Variants in TMEM170B observed in about 807,000 individuals in gnomAD.
TMEM170B encodes the protein transmembrane protein 170B.
TMEM170B carries 6 observed loss-of-function variants against 13.0 expected under a neutral mutation model. That is an observed-to-expected ratio of 0.46 (90% CI 0.25 to 0.91). TMEM170B has a LOEUF of 0.91. Ranked by LOEUF, TMEM170B falls within the 40% of genes least tolerant of loss-of-function variation. The pLI is 0.17. For synonymous variants in TMEM170B, 61 were observed against 64.9 expected (o/e 0.94, Z 0.29); for missense variants, 138 against 165.2 (o/e 0.84, Z 0.90).
At chr6:11,565,578 T>C (rs751515428) in intron 1 of TMEM170B, 88 bp from the exon 2 acceptor site, 28 of 1,431,596 alleles carry the variant, frequency 2.0e-5, no homozygotes, top group Non-Finnish European at 2.6e-5. Context: ...TCATTTAACC[T>C]CCCAAACCAT....
chr6:11,557,914 C>A (rs1759611065), intron 1 of TMEM170B, among the ~76,000 whole-genome samples: 1 of 152,098 alleles, frequency 6.6e-6, no homozygotes, highest in Non-Finnish European at 1.5e-5. Flanking sequence ...ATTATCATTA[C>A]TATTTTTTTT....
intron 2 of TMEM170B, among the ~76,000 whole-genome samples, chr6:11,568,484 A>G (rs2113779885): frequency 6.6e-6 from 1 of 152,296 alleles, no homozygotes; most frequent in African/African-American, 2.4e-5. Context: ...TAAAGAGAGC[A>G]TGAGAAATGG....
In TMEM170B at chr6:11,545,280, CTGTGTGTG is replaced by C. The variant is rs1210551633; in HGVS notation, c.97+6930_97+6937del. The stretch of plus-strand genomic sequence containing the variant: ...TTAAAAGGCTTCTCTCTCTCTCTCT[CTGTGTGTG>C]TGTGTGTGTGTGTGTGTGTGTGTAG... On this transcript the variant is annotated intron_variant, in intron 1 of 2. Coordinates refer to ENST00000379426, the MANE Select transcript of TMEM170B (RefSeq NM_001100829.3). Among the ~76,000 whole-genome samples the C allele has an allele frequency of 5.7e-5, 8 of 139,814 alleles. No individual in the cohort carries two copies. The East Asian group carries it at 8.4e-4, about 15-fold the overall frequency. The allele number at this position is 139,814 out of a possible 152,430, so 91.7% of individuals were successfully genotyped here.
chr6:11,571,290 A>T (rs1759798319), intron 2 of TMEM170B, among the ~76,000 whole-genome samples: 1 of 151,656 alleles, frequency 6.6e-6, no homozygotes, highest in Non-Finnish European at 1.5e-5. Context: ...AGCTCCAGTG[A>T]TCCTCCCAAC....
At chr6:11,571,788 T>A (rs1759804388) in intron 2 of TMEM170B, among the ~76,000 whole-genome samples, 1 of 152,116 alleles carries the variant, frequency 6.6e-6, no homozygotes, top group Non-Finnish European at 1.5e-5. Flanking sequence ...TTCATATAAT[T>A]GTAAAAAGAT....
chr6:11,547,939 A>G (rs1188724785), intron 1 of TMEM170B, among the ~76,000 whole-genome samples: 1 of 152,214 alleles, frequency 6.6e-6, no homozygotes, highest in East Asian at 1.9e-4. Flanking sequence ...AAAGTAAGAT[A>G]GTTCATGAAG....
intron 1 of TMEM170B, among the ~76,000 whole-genome samples, chr6:11,539,999 G>A (rs552602842): frequency 4.1e-4 from 63 of 152,144 alleles, no homozygotes; most frequent in Non-Finnish European, 5.4e-4. Context: ...ATGTGAAATA[G>A]CATTATGTCT....
chr6:11,549,662 CAAA>C (rs111556696), intron 1 of TMEM170B, among the ~76,000 whole-genome samples: 4 of 109,266 alleles, frequency 3.7e-5, no homozygotes, highest in Non-Finnish European at 3.8e-5. Context: ...GACTCCGTCT[CAAA>C]AAAAAAAAAA....
In TMEM170B at chr6:11,575,370, C is replaced by T. The variant is rs1561690382; in HGVS notation, c.269-61C>T. Reference sequence around the variant, plus strand: ...AATGAAAAGAGCTCTTAAGGTGCAGCATGCAGTGTGTTATAAAACGAGTGA... The same window carrying T: ...AATGAAAAGAGCTCTTAAGGTGCAGTATGCAGTGTGTTATAAAACGAGTGA... On this transcript the variant is annotated intron_variant, in intron 2 of 2. Transcript: ENST00000379426. The surrounding 1 kb of genome is among the most constrained non-coding windows in gnomAD (Gnocchi z 4.1). The T allele has an allele frequency of 1.8e-5, 28 of 1,591,118 alleles. No homozygotes were observed. The South Asian group carries it at 3.1e-4, about 18-fold the overall frequency.
rs566750671 is a variant in TMEM170B, at chr6:11,579,668, C to A, written c.*4107C>A. ...TTGGTGGTGGTGGAAATGGCCAGTG[C>A]AAGCAGGATTAAATTAGGAGTTCTG... On this transcript the variant is annotated 3_prime_UTR_variant, in exon 3 of 3. Transcript: ENST00000379426. 1.1e-4 allele frequency: 17 copies of A among 152,264 alleles called. No individual in the cohort carries two copies. Among genetic ancestry groups the A allele is most frequent in the South Asian group, 6.2e-4 (3 of 4,820 alleles). 9.4% of individuals were successfully genotyped at this position (152,264 alleles called of 1,614,324 possible).
chr6:11,538,349 C>T lies in TMEM170B; in HGVS notation c.72C>T (p.His24=), dbSNP rs1358235836. The change falls in exon 1 of 3, where the codon CAC becomes CAT. Residue 24 remains histidine (H), a synonymous_variant. Transcript: ENST00000379426. ...SVQQVLSLWA[H]GTVLRNLTEM... ...AGCAGGTCCTGAGCCTCTGGGCCCA[C>T]GGGACGGTGCTGAGGAACCTCACGG... The T allele has an allele frequency of 2.0e-6, 3 of 1,508,146 alleles. No homozygotes were observed. The highest frequency in any genetic ancestry group is 1.7e-4 in the Middle Eastern group (1 of 5,894). The allele number at this position is 1,508,146 out of a possible 1,614,324, so 93.4% of individuals were successfully genotyped here. A position where few individuals can be genotyped will look rare whatever the true frequency, so the allele number is the denominator to read the frequency against.
At chr6:11,560,062 T>C (rs1466323242) in intron 1 of TMEM170B, among the ~76,000 whole-genome samples, 1 of 152,000 alleles carries the variant, frequency 6.6e-6, no homozygotes, top group African/African-American at 2.4e-5. Flanking sequence ...AGTAGTGATT[T>C]CTGTCTCTAC....
chr6:11,541,220 T>C (rs1759356329), intron 1 of TMEM170B, among the ~76,000 whole-genome samples: 1 of 152,208 alleles, frequency 6.6e-6, no homozygotes, highest in African/African-American at 2.4e-5. Flanking sequence ...AGGGATTGAC[T>C]TCTCTCTAGC....
intron 1 of TMEM170B, among the ~76,000 whole-genome samples, chr6:11,551,805 G>A (rs1759528619): frequency 1.3e-5 from 2 of 152,176 alleles, no homozygotes. Context: ...GAGTGGAGCA[G>A]GAACCTGTTC....
intron 1 of TMEM170B, among the ~76,000 whole-genome samples, chr6:11,539,231 A>G (rs1273285108): frequency 6.6e-6 from 1 of 152,202 alleles, no homozygotes; most frequent in Non-Finnish European, 1.5e-5. Flanking sequence ...TATTCTCTGA[A>G]GTAGAATTTA....
chr6:11,573,225 T>C (rs979672046), intron 2 of TMEM170B, among the ~76,000 whole-genome samples: 2 of 152,158 alleles, frequency 1.3e-5, no homozygotes, highest in African/African-American at 4.8e-5. Flanking sequence ...CATTTTAAAG[T>C]TTAGATGTGT....
intron 1 of TMEM170B, among the ~76,000 whole-genome samples, chr6:11,555,787 ATC>A (rs953139099): frequency 8.5e-5 from 13 of 152,142 alleles, no homozygotes; most frequent in Non-Finnish European, 1.5e-4. Context: ...AGATTGCTTT[ATC>A]TCTCAACAGT....
intron 1 of TMEM170B, among the ~76,000 whole-genome samples, chr6:11,563,009 T>TA (rs200551414): frequency 6.6e-6 from 1 of 152,066 alleles, no homozygotes; most frequent in Non-Finnish European, 1.5e-5. Context: ...TTTTACTTTT[T>TA]AAAAAAAATT....
Position 11,565,820 on chromosome 6 carries a change from T to C in TMEM170B, c.252T>C (p.Thr84=), listed in dbSNP as rs1759725025. 1 of 1,614,038 alleles carries C rather than the reference T, an allele frequency of 6.2e-7. No individual in the cohort carries two copies. ...GCATTGGATTTCTGGCTTCTGTAAC[T>C]GGAGCGATGATTACCAGTAAGTTGA... The part of the protein sequence containing the change: ...AVSIGFLASV[T]GAMITSAAVA... The change falls in exon 2 of 3, where the codon ACT becomes ACC. Residue 84 remains threonine (T), a synonymous_variant. Coordinates refer to ENST00000379426, the MANE Select transcript of TMEM170B (RefSeq NM_001100829.3).
Sources: allele counts gnomAD v4.1 joint callset (sites outside exome capture counted in the v4.1 genomes callset), GRCh38; gene constraint gnomAD v4.1.1; non-coding constraint Gnocchi (gnomAD v3.1); transcripts MANE v1.5; gene names NCBI Gene and HGNC (gene_info 2026-07-23, HGNC 2026-07-21).